The following GRIP1 variants were observed in gnomAD, a reference collection of about 807,000 sequenced individuals.
GRIP1 encodes the protein glutamate receptor-interacting protein 1.
In GRIP1, 45 loss-of-function variants were observed where a neutral mutation model predicts 129.9. The ratio of observed to expected loss-of-function variants is 0.35; its 90% confidence interval spans 0.27 to 0.44. GRIP1 has a LOEUF of 0.44. Among genes scored for constraint, GRIP1 ranks in the 20% least tolerant of loss-of-function variants. The pLI is 1.00. For missense variants in GRIP1, 1,196 were observed against 1,396.8 expected, an observed-to-expected ratio of 0.86 and a Z score of 2.29; for synonymous variants, 530 against 520.8, an observed-to-expected ratio of 1.02 and a Z score of -0.24.
intron 1 of GRIP1, among the ~76,000 whole-genome samples, chr12:66,603,374 T>A (rs1363059577): frequency 6.6e-6 from 1 of 152,168 alleles, no homozygotes; most frequent in East Asian, 1.9e-4. Context: ...GATCATTTCT[T>A]CCCCTACTGC....
intron 23 of GRIP1, among the ~76,000 whole-genome samples, chr12:66,354,218 G>GC (rs1158678151): frequency 6.6e-6 from 1 of 152,108 alleles, no homozygotes; most frequent in Non-Finnish European, 1.5e-5. Flanking sequence ...GCTGCGGCCT[G>GC]CCCCCCACCC....
At chr12:66,476,132 A>G (rs568385734) in intron 7 of GRIP1, among the ~76,000 whole-genome samples, 1 of 151,810 alleles carries the variant, frequency 6.6e-6, no homozygotes, top group Non-Finnish European at 1.5e-5. Context: ...CAAGACTAAT[A>G]AAGAAAAGAG....
chr12:66,506,209 T>C (rs2060522033), intron 7 of GRIP1, among the ~76,000 whole-genome samples: 1 of 152,184 alleles, frequency 6.6e-6, no homozygotes. Context: ...TGGAAATGCA[T>C]ACATATGTTC....
intron 1 of GRIP1, among the ~76,000 whole-genome samples, chr12:66,990,229 G>A (rs1264018519): frequency 6.6e-6 from 1 of 152,144 alleles, no homozygotes; most frequent in African/African-American, 2.4e-5. Context: ...TGATGTTCTA[G>A]AACTTACATT....
intron 2 of GRIP1, among the ~76,000 whole-genome samples, chr12:66,572,304 T>C (rs1034456595): frequency 2.0e-5 from 3 of 152,202 alleles, no homozygotes; most frequent in Non-Finnish European, 2.9e-5. Flanking sequence ...AGTCTAGGCA[T>C]ACCTACCTGG....
rs1192727664 is a variant in GRIP1, at chr12:66,347,766, T to A, written c.*1253A>T. On this transcript the variant is annotated 3_prime_UTR_variant, in exon 25 of 25. Transcript: ENST00000359742. ...CACAAAAAGAAAGGTGATTTTTTTT[T>A]TATATTTCCTTAAACAAAGGACACA... 4.6e-5 allele frequency: 7 copies of A among 152,154 alleles called. No homozygotes were observed. The highest frequency in any genetic ancestry group is 3.9e-4 in the Admixed American group (6 of 15,268). 9.4% of individuals were successfully genotyped at this position (152,154 alleles called of 1,614,324 possible).
At chr12:66,721,432 A>G (rs555980919) in intron 1 of GRIP1, among the ~76,000 whole-genome samples, 1 of 152,000 alleles carries the variant, frequency 6.6e-6, no homozygotes, top group South Asian at 2.1e-4. Context: ...GTGCCACCAC[A>G]CCTGGCTAAT....
intron 1 of GRIP1, among the ~76,000 whole-genome samples, chr12:66,868,729 T>C (rs2040245730): frequency 6.6e-6 from 1 of 152,066 alleles, no homozygotes; most frequent in African/African-American, 2.4e-5. Context: ...ACCTGAAGGC[T>C]AAAATAAGCA....
rs17103083 is a variant in GRIP1 at position 66,931,885 on chromosome 12, T to C, written c.58+137165A>G. ...GTTAAATTTTTATATGGCCCCAATA[T>C]TGGCTATGGGTTATGTGCCAATTTT... On this transcript the variant is annotated intron_variant, in intron 1 of 1. Transcript: ENST00000643019. 5.4e-3 allele frequency among the ~76,000 whole-genome samples: 822 copies of C among 152,292 alleles called. 12 individuals are homozygous for C. The highest frequency in any genetic ancestry group is 0.019 in the African/African-American group (775 of 41,564).
At chr12:66,806,799 A>ATTTT, upstream of GRIP1, among the ~76,000 whole-genome samples, 1 of 145,900 alleles carries the variant, frequency 6.9e-6, no homozygotes, top group African/African-American at 2.5e-5. Context: ...ATAAGCACCT[A>ATTTT]TTTTTTTTTT....
At chr12:66,603,220 TAA>T (rs2064361318) in intron 1 of GRIP1, among the ~76,000 whole-genome samples, 1 of 151,982 alleles carries the variant, frequency 6.6e-6, no homozygotes, top group Non-Finnish European at 1.5e-5. Context: ...AATTTCATTT[TAA>T]GAACAAATAT....
At chr12:66,637,572 ATG>A (rs1491269170) in intron 1 of GRIP1, among the ~76,000 whole-genome samples, 1 of 125,214 alleles carries the variant, frequency 8.0e-6, no homozygotes, top group Non-Finnish European at 1.8e-5. Context: ...TTATTTTTGT[ATG>A]TTTTTTTTTA....
intron 1 of GRIP1, among the ~76,000 whole-genome samples, chr12:66,690,628 C>T (rs755660555): frequency 2.3e-4 from 35 of 151,318 alleles, no homozygotes; most frequent in Non-Finnish European, 4.0e-4. Flanking sequence ...GAATCTGGGA[C>T]GTCAAGTCAG....
chr12:66,508,238 G>C (rs2060598285), intron 7 of GRIP1, among the ~76,000 whole-genome samples: 3 of 152,152 alleles, frequency 2.0e-5, no homozygotes, highest in Admixed American at 2.0e-4. Flanking sequence ...ACCGCTTAAT[G>C]ATGATGATTC....
intron 23 of GRIP1, among the ~76,000 whole-genome samples, chr12:66,360,013 G>C (rs1014693973): frequency 1.3e-5 from 2 of 152,088 alleles, no homozygotes; most frequent in African/African-American, 4.8e-5. Flanking sequence ...GATTGCTTTT[G>C]ATCTTACAAC....
chr12:66,919,213 G>A (rs1592344507), intron 1 of GRIP1, among the ~76,000 whole-genome samples: 1 of 152,292 alleles, frequency 6.6e-6, no homozygotes. Context: ...TTTGACCCAA[G>A]AACTAGGAAC....
intron 1 of GRIP1, among the ~76,000 whole-genome samples, chr12:66,652,565 G>A (rs765860127): frequency 3.3e-5 from 5 of 152,226 alleles, no homozygotes; most frequent in Non-Finnish European, 5.9e-5. Flanking sequence ...AGATTCTGAT[G>A]CTGTGGGAGA....
intron 1 of GRIP1, among the ~76,000 whole-genome samples, chr12:66,706,744 T>A (rs2035541452): frequency 6.6e-6 from 1 of 152,068 alleles, no homozygotes; most frequent in Non-Finnish European, 1.5e-5. Context: ...GAAGCCATCA[T>A]CCTCAGCAAA....
At chr12:66,916,545 AAACCCAAATAAAACCTCC>A (rs1235213995) in intron 1 of GRIP1, among the ~76,000 whole-genome samples, 1 of 152,210 alleles carries the variant, frequency 6.6e-6, no homozygotes, top group Non-Finnish European at 1.5e-5. Context: ...TAAAAAAAGA[AAACCCAAATAAAACCTCC>A]AAATAAAAAA....
Sources: allele counts gnomAD v4.1 joint callset (sites outside exome capture counted in the v4.1 genomes callset), GRCh38; gene constraint gnomAD v4.1.1; transcripts MANE v1.5; gene names NCBI Gene and HGNC (gene_info 2026-07-23, HGNC 2026-07-21).